The following ACACA variants were observed in gnomAD, a reference collection of about 807,000 sequenced individuals.
The protein encoded by ACACA is acetyl-CoA carboxylase 1.
Under a neutral mutation model 296.1 loss-of-function variants are expected in ACACA, and 103 were observed. That is an observed-to-expected ratio of 0.35 (90% CI 0.30 to 0.41). The LOEUF (loss-of-function observed/expected upper bound fraction) is 0.41, where lower values mean the gene tolerates loss of function less well. ACACA is among the 10% of genes least tolerant of loss of function. The pLI is 1.00. For missense variants in ACACA, 1,554 were observed against 2,989.7 expected, an observed-to-expected ratio of 0.52 and a Z score of 11.20; for synonymous variants, 953 against 1,038.6, an observed-to-expected ratio of 0.92 and a Z score of 1.58.
intron 1 of ACACA, among the ~76,000 whole-genome samples, chr17:37,366,460 C>G (rs2049605448): frequency 1.3e-5 from 2 of 149,912 alleles, no homozygotes; most frequent in Non-Finnish European, 3.0e-5. Flanking sequence ...GAAGATTTCA[C>G]AATGTCATGT....
At chr17:37,184,425 A>G (rs987819755) in intron 39 of ACACA, among the ~76,000 whole-genome samples, 9 of 152,240 alleles carry the variant, frequency 5.9e-5, no homozygotes, top group East Asian at 1.9e-4. Context: ...AGTCAAAGCT[A>G]TATCTGATGG....
intron 50 of ACACA, among the ~76,000 whole-genome samples, chr17:37,118,154 T>C (rs1428917013): frequency 6.6e-6 from 1 of 152,212 alleles, no homozygotes; most frequent in South Asian, 2.1e-4. Context: ...TAAGTCTTAT[T>C]TGTCTTACGT....
intron 3 of ACACA, among the ~76,000 whole-genome samples, chr17:37,320,230 G>A (rs549511225): frequency 6.6e-6 from 1 of 152,242 alleles, no homozygotes; most frequent in Admixed American, 6.5e-5. Context: ...AGACCATAAG[G>A]CCTGGGCGCA....
intron 10 of ACACA, among the ~76,000 whole-genome samples, chr17:37,265,109 G>T (rs534574116): frequency 9.9e-5 from 15 of 152,256 alleles, no homozygotes; most frequent in African/African-American, 2.9e-4. Context: ...AAGCTGTAAG[G>T]CCTCTTGAGG....
chr17:37,374,362 C>G (rs1265708269), intron 1 of ACACA, among the ~76,000 whole-genome samples: 8 of 151,296 alleles, frequency 5.3e-5, no homozygotes, highest in African/African-American at 1.5e-4. Context: ...TCTCGGCTCA[C>G]TGCAACCTCC....
rs924717783 is a variant in ACACA at position 37,200,041 on chromosome 17, A to G, written c.4158+98T>C. 26 of 848,244 alleles carry G rather than the reference A, an allele frequency of 3.1e-5. No individual in the cohort carries two copies. The East Asian group carries it at 5.7e-4, about 19-fold the overall frequency. The allele number at this position is 848,244 out of a possible 1,614,324, so 52.5% of individuals were successfully genotyped here. Reference sequence around the variant, plus strand: ...TAATTTCTAAAAGAAGAAGGATCAAATATCAGTCCAGCCCTTCTAACATAT... The same window carrying G: ...TAATTTCTAAAAGAAGAAGGATCAAGTATCAGTCCAGCCCTTCTAACATAT... On this transcript the variant is annotated intron_variant, in intron 35 of 55. Coordinates refer to ENST00000616317, the MANE Select transcript of ACACA (RefSeq NM_198834.3).
intron 52 of ACACA, among the ~76,000 whole-genome samples, chr17:37,107,447 A>G (rs1313607767): frequency 6.6e-6 from 1 of 152,214 alleles, no homozygotes; most frequent in Non-Finnish European, 1.5e-5. Flanking sequence ...GGCATTCCTG[A>G]AGATTTTTAC....
intron 42 of ACACA, chr17:37,161,463 G>A (rs371143803): frequency 5.5e-5 from 20 of 365,386 alleles, no homozygotes; most frequent in Admixed American, 1.3e-4. Context: ...GTAAGTCCTG[G>A]AAGCCACAAT....
intron 1 of ACACA, chr17:37,388,557 T>G (rs1363158323): frequency 1.6e-6 from 2 of 1,257,166 alleles, no homozygotes; most frequent in Non-Finnish European, 2.2e-6. Flanking sequence ...GCCTCTGGGT[T>G]AGTCTGGGCC....
intron 41 of ACACA, chr17:37,163,211 A>AAAAAAAAAAAAAAC: frequency 6.7e-6 from 1 of 150,296 alleles, no homozygotes; most frequent in Non-Finnish European, 1.5e-5. Flanking sequence ...AAAAAAAAAA[A>AAAAAAAAAAAAAAC]AAAAAGAGTG....
Position 37,251,111 on chromosome 17 carries a change from ATGCATT to A in ACACA, c.2081+888_2081+893del, listed in dbSNP as rs200727672. ...GTGGGTGGGGGGCTTGTAGAGGAAA[ATGCATT>A]TGACATATTTGTACACCAATAAGAA... On this transcript the variant is annotated intron_variant, in intron 16 of 55. Transcript: ENST00000616317. 6.5e-3 allele frequency among the ~76,000 whole-genome samples: 997 copies of A among 152,328 alleles called. 7 individuals carry two copies. Among genetic ancestry groups the A allele is most frequent in the Middle Eastern group, 0.051 (15 of 294 alleles).
chr17:37,319,026 C>T (rs910721989), intron 3 of ACACA, among the ~76,000 whole-genome samples: 2 of 152,104 alleles, frequency 1.3e-5, no homozygotes, highest in African/African-American at 4.8e-5. Flanking sequence ...AATGGTAAAT[C>T]TTCCTTTATT....
chr17:37,212,904 CAAA>C (rs201086587), intron 29 of ACACA, among the ~76,000 whole-genome samples: 1 of 117,194 alleles, frequency 8.5e-6, no homozygotes. Context: ...CACTCTGTAC[CAAA>C]AAAAAAAAAA....
At chr17:37,090,769 G>A (rs1387089884) in intron 54 of ACACA, among the ~76,000 whole-genome samples, 4 of 151,972 alleles carry the variant, frequency 2.6e-5, no homozygotes, top group African/African-American at 7.3e-5. Flanking sequence ...ACTCCTAAAC[G>A]TCGCCACCTA....
chr17:37,257,849 T>C lies in ACACA; in HGVS notation c.1680A>G (p.Ser560=). 1 of 1,614,174 alleles carries C rather than the reference T, an allele frequency of 6.2e-7. No homozygotes were observed. The highest frequency in any genetic ancestry group is 1.7e-5 in the Admixed American group (1 of 60,016). Residue 560 remains serine (S), a synonymous_variant, in exon 14 of 56, where the codon TCA becomes TCG. Transcript: ENST00000616317. The part of the protein sequence containing the change: ...ENPDEGFKPS[S]GTVQELNFRS... ...GGAAATTTAGCTCCTGAACTGTTCC[T>C]GAGCTGGGCTTAAAACCCTGTTAGA...
intron 3 of ACACA, among the ~76,000 whole-genome samples, chr17:37,293,682 C>T (rs2083188465): frequency 6.6e-6 from 1 of 151,764 alleles, no homozygotes; most frequent in African/African-American, 2.4e-5. Context: ...GCTGGGATTA[C>T]AGGCACACAC....
chr17:37,085,432 G>A lies in ACACA; in HGVS notation c.*1884C>T, dbSNP rs2072135372. 5.1e-6 allele frequency: 2 copies of A among 395,730 alleles called. No individual in the cohort carries two copies. Among genetic ancestry groups the A allele is most frequent in the Middle Eastern group, 1.3e-3 (2 of 1,578 alleles). The allele number at this position is 395,730 out of a possible 1,614,324, so 24.5% of individuals were successfully genotyped here. On this transcript the variant is annotated 3_prime_UTR_variant, in exon 56 of 56. Coordinates refer to ENST00000616317, the MANE Select transcript of ACACA (RefSeq NM_198834.3). ...ACATGCCTGGACAGGCCTCCTGGGG[G>A]GTGCAGGACTTCATACCACTTGTAG...
intron 3 of ACACA, among the ~76,000 whole-genome samples, chr17:37,313,306 GA>G (rs900892413): frequency 9.2e-4 from 130 of 140,838 alleles, no homozygotes; most frequent in Admixed American, 1.1e-3. Flanking sequence ...AAGTTGAAGG[GA>G]AAAAAAAAAA....
intron 52 of ACACA, among the ~76,000 whole-genome samples, chr17:37,098,304 G>A (rs1446295074): frequency 6.6e-6 from 1 of 152,164 alleles, no homozygotes; most frequent in Non-Finnish European, 1.5e-5. Flanking sequence ...GCATATTGCT[G>A]ACACCACCCA....
Sources: gnomAD v4.1 joint callset for allele counts (sites outside exome capture counted in the v4.1 genomes callset) on GRCh38, gnomAD v4.1.1 for gene constraint, MANE v1.5 for transcripts, NCBI Gene and HGNC (gene_info 2026-07-23, HGNC 2026-07-21) for gene names.